CDH20: variants seen among roughly 807,000 people sequenced by gnomAD.
CDH20 encodes the protein cadherin-20.
CDH20 carries 29 observed loss-of-function variants against 74.2 expected under a neutral mutation model. The observed-to-expected ratio is 0.39, with a 90% CI of 0.29 to 0.53. The LOEUF is 0.53. Ranked by LOEUF, CDH20 falls within the 20% of genes least tolerant of loss-of-function variation. CDH20 has a pLI of 0.69. For missense variants in CDH20, 988 were observed against 1,048.3 expected (o/e 0.94, Z 0.79); for synonymous variants, 469 against 405.4 (o/e 1.16, Z -1.88).
chr18:61,529,883 C>T (rs1312224042), intron 7 of CDH20, among the ~76,000 whole-genome samples: 2 of 152,196 alleles, frequency 1.3e-5, no homozygotes, highest in African/African-American at 4.8e-5. Flanking sequence ...TTGGCCAGCA[C>T]ATCCGTTAGC....
rs1449356386 is a variant in CDH20 at position 61,538,608 on chromosome 18, G to GTTTTTTTTTTTTTT, written c.1409-411_1409-410insTTTTTTTTTTTTTT. ...TGTTTGTTTGTTTGTTTTTGTTTTT[G>GTTTTTTTTTTTTTT]TTTTTGTTTTTGTTTTGTTTTTTTT... On this transcript the variant is annotated intron_variant, in intron 8 of 11. Transcript: ENST00000262717. 1.2e-3 allele frequency among the ~76,000 whole-genome samples: 42 copies of GTTTTTTTTTTTTTT among 36,330 alleles called. 3 individuals are homozygous for GTTTTTTTTTTTTTT. Among genetic ancestry groups the GTTTTTTTTTTTTTT allele is most frequent in the Middle Eastern group, 0.021 (1 of 48 alleles). The allele number at this position is 36,330 out of a possible 152,430, so 23.8% of individuals were successfully genotyped here.
chr18:61,468,205 C>T (rs79994086), intron 1 of CDH20, among the ~76,000 whole-genome samples: 1,973 of 152,268 alleles, frequency 0.013, 22 homozygotes, highest in Middle Eastern at 0.065. Context: ...CAATCACCAG[C>T]GTCAAAATGA....
chr18:61,342,487 A>AG (rs1265754551), intron 1 of CDH20, among the ~76,000 whole-genome samples: 1 of 152,150 alleles, frequency 6.6e-6, no homozygotes, highest in Non-Finnish European at 1.5e-5. Flanking sequence ...CCTCTTCCCA[A>AG]GCAGGGTTTC....
intron 1 of CDH20, among the ~76,000 whole-genome samples, chr18:61,472,143 C>G (rs751552922): frequency 3.9e-5 from 6 of 152,060 alleles, no homozygotes; most frequent in Admixed American, 1.3e-4. Flanking sequence ...CAACTGCCAG[C>G]TCCCCTTCCT....
intron 2 of CDH20, among the ~76,000 whole-genome samples, chr18:61,498,701 C>T (rs1911256359): frequency 6.6e-6 from 1 of 152,220 alleles, no homozygotes; most frequent in Non-Finnish European, 1.5e-5. Flanking sequence ...GTGCCCTTAA[C>T]CTTTTTATAA....
intron 1 of CDH20, among the ~76,000 whole-genome samples, chr18:61,422,550 T>C (rs1003293972): frequency 5.3e-5 from 8 of 152,108 alleles, no homozygotes; most frequent in African/African-American, 1.9e-4. Context: ...AGAAGAAAAC[T>C]CCACAGTTAT....
chr18:61,493,127 C>T (rs1911017926), intron 2 of CDH20, among the ~76,000 whole-genome samples: 1 of 152,164 alleles, frequency 6.6e-6, no homozygotes, highest in Non-Finnish European at 1.5e-5. Context: ...AGCTGCAAAT[C>T]CCTTGGCCTC....
chr18:61,426,967 C>T (rs540528101), intron 1 of CDH20, among the ~76,000 whole-genome samples: 11 of 151,852 alleles, frequency 7.2e-5, no homozygotes, highest in African/African-American at 2.4e-4. Flanking sequence ...CTGCAATGAC[C>T]GAAGCATGTT....
intron 2 of CDH20, among the ~76,000 whole-genome samples, chr18:61,493,895 T>C (rs533186821): frequency 1.1e-4 from 17 of 152,272 alleles, no homozygotes; most frequent in Non-Finnish European, 2.1e-4. Context: ...AGGGTAGAAA[T>C]TGAGACGCCA....
At chr18:61,436,492 A>G (rs898378698) in intron 1 of CDH20, among the ~76,000 whole-genome samples, 1 of 152,114 alleles carries the variant, frequency 6.6e-6, no homozygotes, top group African/African-American at 2.4e-5. Flanking sequence ...TCATTTCCTG[A>G]TGACTAATGA....
intron 1 of CDH20, among the ~76,000 whole-genome samples, chr18:61,485,944 G>A (rs1910746442): frequency 6.6e-6 from 1 of 152,096 alleles, no homozygotes; most frequent in Non-Finnish European, 1.5e-5. Context: ...GTGGTGGCGG[G>A]CACCTGCAGT....
intron 1 of CDH20, among the ~76,000 whole-genome samples, chr18:61,336,168 T>C (rs1372581752): frequency 6.6e-6 from 1 of 152,188 alleles, no homozygotes; most frequent in Non-Finnish European, 1.5e-5. Context: ...GCAATGTTCG[T>C]CTGGAGAAAG....
At chr18:61,447,044 T>C (rs1264924746) in intron 1 of CDH20, among the ~76,000 whole-genome samples, 2 of 152,206 alleles carry the variant, frequency 1.3e-5, no homozygotes, top group Admixed American at 1.3e-4. Flanking sequence ...GGGGAAGAGT[T>C]TTCTCTTAGG....
At chr18:61,504,849 G>A (rs574191150) in intron 5 of CDH20, among the ~76,000 whole-genome samples, 5 of 151,930 alleles carry the variant, frequency 3.3e-5, no homozygotes, top group African/African-American at 1.2e-4. Flanking sequence ...CATGCAAATG[G>A]AATACACAAA....
intron 6 of CDH20, among the ~76,000 whole-genome samples, chr18:61,519,588 A>G (rs1286105402): frequency 6.6e-6 from 1 of 151,292 alleles, no homozygotes; most frequent in Non-Finnish European, 1.5e-5. Context: ...TTTTGTCACC[A>G]CCAGGCCTGC....
Position 61,554,591 on chromosome 18 carries a change from T to G in CDH20, c.2302T>G (p.Ser768Ala). The G allele has an allele frequency of 6.2e-7, 1 of 1,608,936 alleles. No homozygotes were observed. The highest frequency in any genetic ancestry group is 8.5e-7 in the Non-Finnish European group (1 of 1,178,356). Residue 768 changes from serine (S) to alanine (A), a missense_variant, in exon 12 of 12, where the codon TCG becomes GCG. Physicochemically the swap from Ser to Ala is moderately conservative, Grantham distance 99 (BLOSUM62 1). This residue lies in a region of CDH20 where 375 missense variants were observed against 293.1 expected (regional missense o/e 1.28). Coordinates refer to ENST00000262717, the MANE Select transcript of CDH20 (RefSeq NM_031891.4). Reference sequence around the variant, plus strand: ...GCTGAGCTCCCTGCAGTCGGCCACGTCGGACTCGGAACAGAGCTTCGACTT... The same window carrying G: ...GCTGAGCTCCCTGCAGTCGGCCACGGCGGACTCGGAACAGAGCTTCGACTT... ...GSLSSLQSAT[S>A]DSEQSFDFLT...
intron 1 of CDH20, among the ~76,000 whole-genome samples, chr18:61,381,813 A>G (rs577496508): frequency 1.3e-5 from 2 of 152,364 alleles, no homozygotes; most frequent in African/African-American, 4.8e-5. Context: ...ACATCCCACA[A>G]GTTTAGCACA....
chr18:61,404,196 T>A (rs190417154), intron 1 of CDH20, among the ~76,000 whole-genome samples: 3 of 152,298 alleles, frequency 2.0e-5, no homozygotes, highest in East Asian at 1.9e-4. Flanking sequence ...CTGCACGTCC[T>A]GCACATGTAT....
At chr18:61,513,166 G>T (rs1458301802) in intron 6 of CDH20, among the ~76,000 whole-genome samples, 1 of 147,390 alleles carries the variant, frequency 6.8e-6, no homozygotes, top group Non-Finnish European at 1.5e-5. Context: ...CTCAGGACTT[G>T]CTTTATGAAT....
Sources: allele counts gnomAD v4.1 joint callset (sites outside exome capture counted in the v4.1 genomes callset), GRCh38; gene constraint gnomAD v4.1.1; regional missense constraint gnomAD v4.1.1; transcripts MANE v1.5; gene names NCBI Gene and HGNC (gene_info 2026-07-23, HGNC 2026-07-21).